Variants in GLUD1 observed in about 807,000 individuals in gnomAD.
GLUD1 encodes glutamate dehydrogenase 1, mitochondrial.
GLUD1 carries 22 observed loss-of-function variants against 56.0 expected under a neutral mutation model. That is an observed-to-expected ratio of 0.39 (90% CI 0.28 to 0.56). The LOEUF is 0.56. GLUD1 is among the 20% of genes least tolerant of loss of function. GLUD1 has a pLI of 0.58. For synonymous variants in GLUD1, 223 were observed against 269.9 expected, an observed-to-expected ratio of 0.83 and a Z score of 1.70; for missense variants, 451 against 732.0, an observed-to-expected ratio of 0.62 and a Z score of 4.43.
rs1845632030 is a variant in GLUD1, at chr10:87,051,574, T to G, written c.*177A>C. ...ACTTTCACACTCAGCTTGTACATGA[T>G]CCGCTAACCTTAATTTCTTTCTCCT... On this transcript the variant is annotated 3_prime_UTR_variant, in exon 13 of 13. Transcript: ENST00000277865. 1 of 766,296 alleles carries G rather than the reference T, an allele frequency of 1.3e-6. No individual in the cohort carries two copies. Among genetic ancestry groups the G allele is most frequent in the Admixed American group, 1.9e-5 (1 of 52,982 alleles). 47.5% of individuals were successfully genotyped at this position (766,296 alleles called of 1,614,324 possible).
intron 4 of GLUD1, among the ~76,000 whole-genome samples, chr10:87,071,704 A>C (rs561646479): frequency 6.6e-6 from 1 of 152,184 alleles, no homozygotes. Context: ...TGACCTTTCA[A>C]AAGCTTTTCC....
intron 11 of GLUD1, among the ~76,000 whole-genome samples, chr10:87,054,943 T>C (rs1428063932): frequency 1.3e-5 from 2 of 152,222 alleles, no homozygotes; most frequent in Non-Finnish European, 2.9e-5. Flanking sequence ...GCTGGGTAGA[T>C]GCGGAAGCTC....
intron 4 of GLUD1, among the ~76,000 whole-genome samples, chr10:87,073,242 A>T (rs1012178876): frequency 2.0e-5 from 3 of 152,162 alleles, no homozygotes; most frequent in Admixed American, 1.3e-4. Context: ...AGCTCACTGC[A>T]GCCTCAACCC....
intron 9 of GLUD1, 69 bp from the exon 10 acceptor site, chr10:87,059,342 G>T (rs1011813437): frequency 2.8e-5 from 42 of 1,475,626 alleles, no homozygotes; most frequent in Non-Finnish European, 3.6e-5. Flanking sequence ...ATGAACCTAA[G>T]ACCTTAATTT....
intron 6 of GLUD1, among the ~76,000 whole-genome samples, chr10:87,061,930 T>A (rs1845947525): frequency 6.6e-6 from 1 of 151,846 alleles, no homozygotes; most frequent in Non-Finnish European, 1.5e-5. Context: ...ACTACAGGCG[T>A]GTACCACCAC....
intron 5 of GLUD1, among the ~76,000 whole-genome samples, chr10:87,064,903 A>G (rs372269524): frequency 1.1e-4 from 17 of 152,340 alleles, no homozygotes; most frequent in African/African-American, 3.4e-4. Flanking sequence ...CTGAAAGCCC[A>G]GAGAAGAATA....
At chr10:87,077,757 G>A (rs1589374339) in intron 1 of GLUD1, among the ~76,000 whole-genome samples, 1 of 151,974 alleles carries the variant, frequency 6.6e-6, no homozygotes, top group East Asian at 1.9e-4. Flanking sequence ...ATGTTTGACT[G>A]CACAGTGCTT....
chr10:87,092,477 G>A (rs1174811184), intron 1 of GLUD1: 1 of 164,428 alleles, frequency 6.1e-6, no homozygotes, highest in Non-Finnish European at 1.3e-5. Flanking sequence ...TCTAGTACAA[G>A]CAAGTGCTAC....
At chr10:87,092,535 T>C in intron 1 of GLUD1, 1 of 503,540 alleles carries the variant, frequency 2.0e-6, no homozygotes, top group Non-Finnish European at 2.6e-6. Context: ...CTAGGTTCAA[T>C]ATTTTGGCAT....
At position 87,059,141 on chromosome 10, in the gene GLUD1, G is replaced by A. The variant is rs1845865510; in HGVS notation, c.1402+9C>T. On this transcript the variant is annotated intron_variant, in intron 10 of 12. Transcript: ENST00000277865. ...ATGAGTTTTGGCGAACAAGATTATC[G>A]ATACTCACTGAGCAAGTGGTAGTTA... 3 of 1,612,270 alleles carry A rather than the reference G, an allele frequency of 1.9e-6. No homozygotes were observed. The highest frequency in any genetic ancestry group is 1.7e-6 in the Non-Finnish European group (2 of 1,179,914).
At chr10:87,069,920 G>A (rs1310596822) in intron 4 of GLUD1, among the ~76,000 whole-genome samples, 2 of 152,198 alleles carry the variant, frequency 1.3e-5, no homozygotes, top group African/African-American at 4.8e-5. Flanking sequence ...CACTTGGAAA[G>A]ATTAATGCCA....
Position 87,060,237 on chromosome 10 carries a change from A to G in GLUD1, c.1202T>C (p.Ile401Thr), listed in dbSNP as rs1166616017. 6.2e-7 allele frequency: 1 copy of G among 1,604,488 alleles called. No homozygotes were observed. Among genetic ancestry groups the G allele is most frequent in the Admixed American group, 1.7e-5 (1 of 60,016 alleles). ...SNAPRVKAKI[I>T]AEGANGPTTP... ...TGTTGGCCCATTGGCACCTTCAGCAATGATCTGCAAGAGAGTCAGGAACAT... is the reference window on the plus strand; with the variant it reads ...TGTTGGCCCATTGGCACCTTCAGCAGTGATCTGCAAGAGAGTCAGGAACAT... Residue 401 changes from isoleucine to threonine, a missense_variant, in exon 9 of 13, where the codon ATT (isoleucine) becomes ACT (threonine). Physicochemically the swap from Ile to Thr is moderately conservative, Grantham distance 89 (BLOSUM62 -1). This residue lies in a region of GLUD1 where 248 missense variants were observed against 460.0 expected (regional missense o/e 0.54). Coordinates refer to ENST00000277865, the MANE Select transcript of GLUD1 (RefSeq NM_005271.5).
intron 1 of GLUD1, among the ~76,000 whole-genome samples, chr10:87,086,057 A>T (rs1022393681): frequency 1.3e-5 from 2 of 152,234 alleles, no homozygotes; most frequent in Admixed American, 1.3e-4. Context: ...ATCCAGTTTC[A>T]TATAAATTAT....
At chr10:87,056,292 CTTTTTTT>C (rs556387150) in intron 11 of GLUD1, among the ~76,000 whole-genome samples, 1 of 135,288 alleles carries the variant, frequency 7.4e-6, no homozygotes, top group Non-Finnish European at 1.6e-5. Context: ...TACACCGTTT[CTTTTTTT>C]TTTTTTTTTT....
At chr10:87,081,545 GC>G (rs1841254141) in intron 1 of GLUD1, among the ~76,000 whole-genome samples, 1 of 152,140 alleles carries the variant, frequency 6.6e-6, no homozygotes, top group Non-Finnish European at 1.5e-5. Flanking sequence ...TCGGATGGTT[GC>G]CGTGTCTGTG....
At chr10:87,058,557 C>A (rs1482968398) in intron 10 of GLUD1, among the ~76,000 whole-genome samples, 1 of 152,136 alleles carries the variant, frequency 6.6e-6, no homozygotes, top group Non-Finnish European at 1.5e-5. Context: ...CAACCAGAGA[C>A]AGAAATTAGT....
Position 87,068,117 on chromosome 10 carries a change from A to G in GLUD1, c.687T>C (p.Gly229=). 1 of 1,613,610 alleles carries G rather than the reference A, an allele frequency of 6.2e-7. No individual in the cohort carries two copies. Residue 229 remains glycine, a synonymous_variant, in exon 5 of 13, where the codon GGT becomes GGC. Transcript: ENST00000277865. The part of the protein sequence containing the change: ...IDVPAPDMST[G]EREMSWIADT... ...CAGCGATCCAGGACATCTCCCGCTC[A>G]CCTGTGCTCATGTCTGGAGCAGGCA... is the stretch of plus-strand genomic sequence containing the variant.
chr10:87,094,113 G>T lies in GLUD1; in HGVS notation c.445+212C>A, dbSNP rs533565096. ...AGAGGCCCGGGGTGACGGCGCGGGG[G>T]AGGGGGCAGGCCAATCGCATGATGA... On this transcript the variant is annotated intron_variant, in intron 1 of 12. Coordinates refer to ENST00000277865, the MANE Select transcript of GLUD1 (RefSeq NM_005271.5). This position sits in a 1 kb window ranked among gnomAD's most constrained non-coding sequence, Gnocchi z 6.6. 1 of 1,496,654 alleles carries T rather than the reference G, an allele frequency of 6.7e-7. No individual in the cohort carries two copies. Among genetic ancestry groups the T allele is most frequent in the African/African-American group, 1.4e-5 (1 of 71,736 alleles). The allele number at this position is 1,496,654 out of a possible 1,614,324, so 92.7% of individuals were successfully genotyped here. A position where few individuals can be genotyped will look rare whatever the true frequency, so the allele number is the denominator to read the frequency against.
chr10:87,060,057 A>C, intron 9 of GLUD1, 104 bp downstream of exon 9: 1 of 794,542 alleles, frequency 1.3e-6, no homozygotes, highest in Non-Finnish European at 2.3e-6. Context: ...AGATGAATTC[A>C]CTAGAGCTTG....
Sources: gnomAD v4.1 joint callset for allele counts (sites outside exome capture counted in the v4.1 genomes callset) on GRCh38, gnomAD v4.1.1 for gene constraint, gnomAD v4.1.1 regional missense constraint, Gnocchi (gnomAD v3.1) non-coding constraint, MANE v1.5 for transcripts, NCBI Gene and HGNC (gene_info 2026-07-23, HGNC 2026-07-21) for gene names.